The following TMC5 variants were observed in gnomAD, a reference collection of about 807,000 sequenced individuals.
TMC5 encodes the protein transmembrane channel like 5, also known as transmembrane channel-like protein 5.
Under a neutral mutation model 110.5 loss-of-function variants are expected in TMC5, and 86 were observed. That is an observed-to-expected ratio of 0.78 (90% confidence interval 0.65 to 0.93). The LOEUF (loss-of-function observed/expected upper bound fraction) is 0.93, where lower values mean the gene tolerates loss of function less well. Ranked by LOEUF, TMC5 falls within the 40% of genes least tolerant of loss-of-function variation. The pLI is 0.00. For missense variants in TMC5, 1,144 were observed against 1,222.8 expected, an observed-to-expected ratio of 0.94 and a Z score of 0.96; for synonymous variants, 455 against 439.5, an observed-to-expected ratio of 1.04 and a Z score of -0.44.
chr16:19,480,661 C>T (rs947011367), intron 14 of TMC5, among the ~76,000 whole-genome samples: 10 of 151,838 alleles, frequency 6.6e-5, no homozygotes, highest in Non-Finnish European at 1.0e-4. Context: ...AAAAATTAGC[C>T]GAGCATGGTG....
intron 15 of TMC5, among the ~76,000 whole-genome samples, chr16:19,484,591 G>A (rs764913474): frequency 1.3e-5 from 2 of 151,964 alleles, no homozygotes; most frequent in Non-Finnish European, 2.9e-5. Flanking sequence ...GTGAAACCCT[G>A]ACTCTACTAA....
intron 4 of TMC5, 64 bp from the exon 5 acceptor site, chr16:19,449,478 T>C (rs1351276420): frequency 3.8e-5 from 51 of 1,359,304 alleles, no homozygotes; most frequent in Non-Finnish European, 4.2e-6. Context: ...TCATAACTAT[T>C]GCATGCCAGG....
rs1969111574 is a variant in TMC5 at position 19,498,508 on chromosome 16, A to G, written c.*542A>G. On this transcript the variant is annotated 3_prime_UTR_variant, in exon 22 of 22. Transcript: ENST00000542583. The stretch of plus-strand genomic sequence containing the variant: ...ATACAACCAGAGGTCTCATCTCTGA[A>G]CTTTCTTGCGTACTGATTACATGAG... The G allele has an allele frequency of 6.4e-6, 1 of 156,398 alleles. No homozygotes were observed. The highest frequency in any genetic ancestry group is 1.4e-5 in the Non-Finnish European group (1 of 71,298). The allele number at this position is 156,398 out of a possible 1,614,324, so 9.7% of individuals were successfully genotyped here.
intron 2 of TMC5, among the ~76,000 whole-genome samples, chr16:19,439,118 CTTAG>C (rs1315915939): frequency 6.6e-6 from 1 of 152,212 alleles, no homozygotes; most frequent in Non-Finnish European, 1.5e-5. Flanking sequence ...GTTGACACCT[CTTAG>C]TTAGGTCACA....
intron 3 of TMC5, among the ~76,000 whole-genome samples, chr16:19,442,965 A>G (rs1411408258): frequency 2.0e-5 from 3 of 152,166 alleles, no homozygotes; most frequent in African/African-American, 7.2e-5. Flanking sequence ...ATGGGTCCCC[A>G]TAACCTTTGG....
chr16:19,481,419 A>G lies in TMC5; in HGVS notation c.2317A>G (p.Ile773Val), dbSNP rs548408948. 6.2e-6 allele frequency: 10 copies of G among 1,614,162 alleles called. No individual in the cohort carries two copies. In the African/African-American group the frequency reaches 1.3e-4, roughly 22 times the overall value. ...AAGTCTTGGCCTTCAGGAGTTTGAC[A>G]TTGCCAGGAACGTTCTAGAACTGAT... ...ITSLGLQEFD[I>V]ARNVLELIYA... The change falls in exon 15 of 22, where the codon ATT becomes GTT. Residue 773 changes from isoleucine (I) to valine (V), a missense_variant. Ile to Val is a conservative substitution (Grantham distance 29, BLOSUM62 3). Transcript: ENST00000542583.
intron 2 of TMC5, among the ~76,000 whole-genome samples, chr16:19,434,778 T>C (rs1967304742): frequency 6.6e-6 from 1 of 152,204 alleles, no homozygotes; most frequent in Non-Finnish European, 1.5e-5. Context: ...TCCTTGATGT[T>C]GGCCACCTTC....
intron 2 of TMC5, among the ~76,000 whole-genome samples, chr16:19,431,890 A>G (rs569396237): frequency 6.6e-6 from 1 of 152,278 alleles, no homozygotes; most frequent in African/African-American, 2.4e-5. Flanking sequence ...TCCACTGTGC[A>G]GATGTCCTGT....
intron 3 of TMC5, among the ~76,000 whole-genome samples, chr16:19,442,053 T>C (rs1231548978): frequency 6.6e-6 from 1 of 152,194 alleles, no homozygotes; most frequent in Non-Finnish European, 1.5e-5. Flanking sequence ...TCCACCTGCC[T>C]CAGCCTCCCA....
chr16:19,483,799 G>GAA (rs1291243523), intron 15 of TMC5, among the ~76,000 whole-genome samples: 5 of 145,364 alleles, frequency 3.4e-5, no homozygotes, highest in Admixed American at 3.4e-4. Flanking sequence ...GAAAAGAAAA[G>GAA]AAAAGGCCAG....
At chr16:19,420,289 A>G (rs953600184) in intron 1 of TMC5, among the ~76,000 whole-genome samples, 1 of 152,084 alleles carries the variant, frequency 6.6e-6, no homozygotes, top group African/African-American at 2.4e-5. Context: ...TTAGCCAGGC[A>G]TGGTGGCACA....
intron 13 of TMC5, among the ~76,000 whole-genome samples, chr16:19,478,890 A>T (rs1200558823): frequency 6.6e-6 from 1 of 152,180 alleles, no homozygotes; most frequent in Non-Finnish European, 1.5e-5. Context: ...AAAAGCTCCC[A>T]GTCTATCAGC....
chr16:19,472,828 A>G (rs1420879059), intron 11 of TMC5, among the ~76,000 whole-genome samples: 1 of 152,198 alleles, frequency 6.6e-6, no homozygotes, highest in African/African-American at 2.4e-5. Context: ...ACCACCAAAA[A>G]TGCAAGTGGT....
At chr16:19,455,552 C>T (rs912521854) in intron 5 of TMC5, among the ~76,000 whole-genome samples, 1 of 152,220 alleles carries the variant, frequency 6.6e-6, no homozygotes, top group East Asian at 1.9e-4. Flanking sequence ...CAGCCTTTTT[C>T]TCTACCATCC....
At chr16:19,438,985 T>C (rs1238687110) in intron 2 of TMC5, among the ~76,000 whole-genome samples, 2 of 152,130 alleles carry the variant, frequency 1.3e-5, no homozygotes, top group Non-Finnish European at 2.9e-5. Flanking sequence ...AAAATGGAAG[T>C]GAGGTTCAGG....
chr16:19,422,848 T>G (rs1435970185), intron 1 of TMC5, among the ~76,000 whole-genome samples: 2 of 152,182 alleles, frequency 1.3e-5, no homozygotes, highest in African/African-American at 2.4e-5. Flanking sequence ...CTTGGGAGGC[T>G]GAGGCAGGAG....
chr16:19,445,954 G>A (rs968002050), intron 4 of TMC5, among the ~76,000 whole-genome samples: 2 of 151,860 alleles, frequency 1.3e-5, no homozygotes, highest in South Asian at 4.2e-4. Flanking sequence ...GGTTGAGGCT[G>A]CCGTGAGCCA....
intron 6 of TMC5, among the ~76,000 whole-genome samples, chr16:19,462,857 C>T (rs1245274553): frequency 1.3e-5 from 2 of 149,044 alleles, no homozygotes; most frequent in African/African-American, 2.5e-5. Flanking sequence ...GCCATCAGGC[C>T]ACTGCACTCC....
intron 15 of TMC5, among the ~76,000 whole-genome samples, chr16:19,482,085 A>G (rs1167748230): frequency 1.3e-5 from 2 of 152,110 alleles, no homozygotes; most frequent in African/African-American, 4.8e-5. Flanking sequence ...TTTTAGACGG[A>G]GTCTCCCTCT....
Sources: gnomAD v4.1 joint callset for allele counts (sites outside exome capture counted in the v4.1 genomes callset) on GRCh38, gnomAD v4.1.1 for gene constraint, MANE v1.5 for transcripts, NCBI Gene and HGNC (gene_info 2026-07-23, HGNC 2026-07-21) for gene names.